The following TNS3 variants were observed in gnomAD, a reference collection of about 807,000 sequenced individuals.
TNS3 encodes the protein tensin 3.
TNS3 carries 45 observed loss-of-function variants against 140.9 expected under a neutral mutation model. That is an observed-to-expected ratio of 0.32 (90% CI 0.25 to 0.41). The LOEUF is 0.41. TNS3 is among the 10% of genes least tolerant of loss of function. The probability of loss-of-function intolerance (pLI) is 1.00; values close to 1 mark genes in which losing one functional copy is unlikely to be tolerated. For missense variants in TNS3, 1,716 were observed against 1,906.7 expected, an observed-to-expected ratio of 0.90 and a Z score of 1.86; for synonymous variants, 815 against 788.4, an observed-to-expected ratio of 1.03 and a Z score of -0.56.
intron 20 of TNS3, among the ~76,000 whole-genome samples, chr7:47,318,260 C>T (rs1213799802): frequency 2.0e-5 from 3 of 152,088 alleles, no homozygotes; most frequent in Admixed American, 6.5e-5. Context: ...CGTGTCAGAA[C>T]GTCCTTCCTT....
chr7:47,499,490 T>C (rs1798131226), intron 3 of TNS3, among the ~76,000 whole-genome samples: 1 of 152,118 alleles, frequency 6.6e-6, no homozygotes, highest in South Asian at 2.1e-4. Context: ...AGTAGGTGAA[T>C]GGAGGGTAAA....
At chr7:47,370,900 A>G (rs1291429127) in intron 16 of TNS3, among the ~76,000 whole-genome samples, 3 of 152,238 alleles carry the variant, frequency 2.0e-5, no homozygotes, top group Non-Finnish European at 4.4e-5. Context: ...CTCCAGGTTG[A>G]TGCACCACCA....
Position 47,368,850 on chromosome 7 carries a change from T to C in TNS3, c.1796A>G (p.His599Arg), listed in dbSNP as rs1345293232. 6.2e-7 allele frequency: 1 copy of C among 1,613,558 alleles called. No individual in the cohort carries two copies. The highest frequency in any genetic ancestry group is 8.5e-7 in the Non-Finnish European group (1 of 1,179,896). The change falls in exon 17 of 31, where the codon CAC (histidine) becomes CGC (arginine). Residue 599 changes from histidine (H) to arginine (R), a missense_variant. Around this residue, in one of 3 missense-constraint regions of TNS3, gnomAD observed 1,163 missense variants for 1,182.1 expected, o/e 0.98. Transcript: ENST00000311160. ...CCCATCTGGGGCGAAGCTATACTGG[T>C]GAGCTACAACCATCTGCTGCTGGCG... ...WVRQQQMVVA[H>R]QYSFAPDGEA...
Position 47,303,258 on chromosome 7 carries a change from G to A in TNS3, c.3149C>T (p.Thr1050Ile). Residue 1050 changes from threonine (T) to isoleucine (I), a missense_variant, in exon 22 of 31, where the codon ACC (threonine) becomes ATC (isoleucine). Physicochemically the swap from Thr to Ile is moderately conservative, Grantham distance 89. Transcript: ENST00000311160. ...LLANSHGASPTPSIPLTATGA... is the reference protein window; with the variant it reads ...LLANSHGASPIPSIPLTATGA... ...TGTCGCTGTCAGCGGGATGCTGGGG[G>A]TCGGTGACGCTCCATGAGAATTGGC... 6.2e-7 allele frequency: 1 copy of A among 1,613,758 alleles called. No homozygotes were observed. Among genetic ancestry groups the A allele is most frequent in the Non-Finnish European group, 8.5e-7 (1 of 1,179,988 alleles).
At chr7:47,319,140 G>A (rs898460496) in intron 20 of TNS3, among the ~76,000 whole-genome samples, 29 of 152,130 alleles carry the variant, frequency 1.9e-4, no homozygotes, top group African/African-American at 6.3e-4. Context: ...CATGTGCACC[G>A]CTATATAGGA....
chr7:47,510,602 G>C (rs1014619293), intron 2 of TNS3, among the ~76,000 whole-genome samples: 2 of 152,122 alleles, frequency 1.3e-5, no homozygotes, highest in Non-Finnish European at 2.9e-5. Flanking sequence ...GGCCAGGTGC[G>C]GTGGCTCACG....
chr7:47,399,281 C>T (rs977079089), intron 15 of TNS3, among the ~76,000 whole-genome samples: 2 of 152,006 alleles, frequency 1.3e-5, no homozygotes, highest in African/African-American at 4.8e-5. Flanking sequence ...AATGCAATTC[C>T]TATCAAAATA....
chr7:47,329,516 T>C (rs1788213580), intron 20 of TNS3, among the ~76,000 whole-genome samples: 1 of 152,146 alleles, frequency 6.6e-6, no homozygotes, highest in South Asian at 2.1e-4. Context: ...ACGGCTTGCC[T>C]GGGACCCTCA....
chr7:47,532,662 G>A lies in TNS3; in HGVS notation c.-264-3515C>T, dbSNP rs192120173. 1.3e-3 allele frequency among the ~76,000 whole-genome samples: 198 copies of A among 152,178 alleles called. 3 individuals carry two copies. The highest frequency in any genetic ancestry group is 4.4e-4 in the Non-Finnish European group (30 of 68,012). On this transcript the variant is annotated intron_variant, in intron 1 of 30. Transcript: ENST00000311160. The stretch of plus-strand genomic sequence containing the variant: ...ATCTTCATCTTCTTCACCCTTCCCC[G>A]TCTGCCTATCTCATTCTTCCTGGAC...
At chr7:47,374,204 C>A (rs142159320) in intron 16 of TNS3, among the ~76,000 whole-genome samples, 3 of 152,188 alleles carry the variant, frequency 2.0e-5, no homozygotes, top group African/African-American at 7.2e-5. Flanking sequence ...GCCAGAGATC[C>A]AGGGAACATT....
intron 26 of TNS3, among the ~76,000 whole-genome samples, chr7:47,292,390 T>C (rs960382653): frequency 4.6e-5 from 7 of 152,260 alleles, no homozygotes; most frequent in African/African-American, 1.7e-4. Context: ...CCTGACATGC[T>C]GTGGGTGTTA....
Position 47,506,926 on chromosome 7 carries a change from T to C in TNS3, c.-134A>G. 7.8e-7 allele frequency: 1 copy of C among 1,289,050 alleles called. No individual in the cohort carries two copies. Among genetic ancestry groups the C allele is most frequent in the Non-Finnish European group, 1.0e-6 (1 of 988,686 alleles). 79.9% of individuals were successfully genotyped at this position (1,289,050 alleles called of 1,614,324 possible). A position where few individuals can be genotyped will look rare whatever the true frequency, so the allele number is the denominator to read the frequency against. The stretch of plus-strand genomic sequence containing the variant: ...GCTTACCTTGGCTTCACATTTCTTG[T>C]GGCAGGAATACTTGCAGGCTGGGAA... On this transcript the variant is annotated 5_prime_UTR_variant, in exon 3 of 31. Transcript: ENST00000311160.
intron 2 of TNS3, among the ~76,000 whole-genome samples, chr7:47,511,670 T>C (rs2964943): frequency 0.35 from 52,064 of 150,602 alleles, 10,510 homozygotes; most frequent in Non-Finnish European, 0.46. Context: ...GGACCCAACT[T>C]TGACCAACAG....
At chr7:47,323,615 C>T (rs907663845) in intron 20 of TNS3, among the ~76,000 whole-genome samples, 4 of 152,324 alleles carry the variant, frequency 2.6e-5, no homozygotes, top group East Asian at 3.9e-4. Flanking sequence ...GTTGGAGCAA[C>T]TAGCAGACAT....
rs117481659 is a variant in TNS3, at chr7:47,516,170, T to G, written c.-152-9226A>C. ...TTATTAGTAGAGAACACTATGAAAT[T>G]GTCTATTTGGGGAGTGGTCTCTATA... On this transcript the variant is annotated intron_variant, in intron 2 of 30. Coordinates refer to ENST00000311160, the MANE Select transcript of TNS3 (RefSeq NM_022748.12). Among the ~76,000 whole-genome samples, 540 of 152,352 alleles carry G rather than the reference T, an allele frequency of 3.5e-3. 2 individuals carry two copies. The highest frequency in any genetic ancestry group is 5.9e-3 in the Non-Finnish European group (402 of 68,036).
At chr7:47,554,505 T>G (rs1004093928) in intron 1 of TNS3, among the ~76,000 whole-genome samples, 1 of 151,738 alleles carries the variant, frequency 6.6e-6, no homozygotes, top group African/African-American at 2.4e-5. Flanking sequence ...TGAGAGGAAG[T>G]CAAATTGTCA....
chr7:47,488,530 C>G (rs1797693157), intron 3 of TNS3, among the ~76,000 whole-genome samples: 1 of 152,220 alleles, frequency 6.6e-6, no homozygotes, highest in African/African-American at 2.4e-5. Context: ...TTGTGTGTGT[C>G]TGTGTCCCAG....
rs564098243 is a variant in TNS3 at position 47,383,943 on chromosome 7, C to T, written c.1024+12857G>A. On this transcript the variant is annotated intron_variant, in intron 16 of 30. Transcript: ENST00000311160. Reference sequence around the variant, plus strand: ...CAGGTCAGAAAGTGACACGCAGGGCCTCCTGTGAAGTTCCTCCTCATAAGG... The same window carrying T: ...CAGGTCAGAAAGTGACACGCAGGGCTTCCTGTGAAGTTCCTCCTCATAAGG... Among the ~76,000 whole-genome samples, 11 of 152,272 alleles carry T rather than the reference C, an allele frequency of 7.2e-5. No homozygotes were observed. In the East Asian group the frequency reaches 9.7e-4, roughly 13 times the overall value.
chr7:47,423,987 A>C lies in TNS3; in HGVS notation c.473+114T>G, dbSNP rs983878107. ...ACCTTCACAGTCTTTGGCATGACCC[A>C]AGAATACTATTCATTTAGGTGTCGG... On this transcript the variant is annotated intron_variant, in intron 10 of 30. Coordinates refer to ENST00000311160, the MANE Select transcript of TNS3 (RefSeq NM_022748.12). 5 of 1,083,326 alleles carry C rather than the reference A, an allele frequency of 4.6e-6. No homozygotes were observed. The African/African-American group carries it at 7.8e-5, about 17-fold the overall frequency. The allele number at this position is 1,083,326 out of a possible 1,614,324, so 67.1% of individuals were successfully genotyped here. A position where few individuals can be genotyped will look rare whatever the true frequency, so the allele number is the denominator to read the frequency against.
Sources: gnomAD v4.1 joint callset for allele counts (sites outside exome capture counted in the v4.1 genomes callset) on GRCh38, gnomAD v4.1.1 for gene constraint, gnomAD v4.1.1 regional missense constraint, MANE v1.5 for transcripts, NCBI Gene and HGNC (gene_info 2026-07-23, HGNC 2026-07-21) for gene names.